Variants in NRXN1 observed in about 807,000 individuals in gnomAD.
NRXN1 encodes the protein neurexin 1.
A neutral mutation model predicts 150.9 loss-of-function variants in NRXN1; 39 were observed. The ratio of observed to expected loss-of-function variants is 0.26; its 90% CI spans 0.20 to 0.34. NRXN1 has a LOEUF of 0.34. Ranked by LOEUF, NRXN1 falls within the 10% of genes least tolerant of loss-of-function variation. The pLI is 1.00. For synonymous variants in NRXN1, 924 were observed against 757.0 expected (o/e 1.22, Z -3.62); for missense variants, 1,815 against 1,949.9 (o/e 0.93, Z 1.30).
chr2:50,648,158 C>T (rs1202190785), intron 5 of NRXN1, among the ~76,000 whole-genome samples: 1 of 151,882 alleles, frequency 6.6e-6, no homozygotes, highest in Non-Finnish European at 1.5e-5. Flanking sequence ...AACTGTCAAA[C>T]CATATTGGGA....
intron 21 of NRXN1, among the ~76,000 whole-genome samples, chr2:49,950,135 A>C (rs1673666144): frequency 6.6e-6 from 1 of 151,944 alleles, no homozygotes; most frequent in South Asian, 2.1e-4. Context: ...AACTGCAGAA[A>C]ATAATCCACT....
At chr2:50,472,123 A>T (rs576604186) in intron 16 of NRXN1, among the ~76,000 whole-genome samples, 175 bp downstream of exon 16, 3 of 152,060 alleles carry the variant, frequency 2.0e-5, no homozygotes, top group African/African-American at 7.2e-5. Context: ...AGGCTTGCAA[A>T]CAGTACAGAA....
chr2:50,887,361 G>C (rs1168146062), intron 5 of NRXN1, among the ~76,000 whole-genome samples: 1 of 151,390 alleles, frequency 6.6e-6, no homozygotes, highest in African/African-American at 2.4e-5. Context: ...TACGTACTAG[G>C]CTATTTAATA....
At chr2:50,953,599 C>A (rs1289043247) in intron 2 of NRXN1, among the ~76,000 whole-genome samples, 1 of 151,374 alleles carries the variant, frequency 6.6e-6, no homozygotes, top group Non-Finnish European at 1.5e-5. Flanking sequence ...CTTTGTCACC[C>A]AGGCTGGAGT....
At chr2:50,057,788 C>A (rs969841446) in intron 19 of NRXN1, among the ~76,000 whole-genome samples, 1 of 152,120 alleles carries the variant, frequency 6.6e-6, no homozygotes, top group Admixed American at 6.6e-5. Context: ...AGAGAATAAA[C>A]CACTTGTAGC....
rs543651705 is a variant in NRXN1, at chr2:50,845,881, T to C, written c.832+75988A>G. Among the ~76,000 whole-genome samples, 20 of 152,334 alleles carry C rather than the reference T, an allele frequency of 1.3e-4. No individual in the cohort carries two copies. The East Asian group carries it at 2.9e-3, about 22-fold the overall frequency. On this transcript the variant is annotated intron_variant, in intron 5 of 22. Transcript: ENST00000401669. ...GAGGGAAAAAAAACCAGAAAATTTA[T>C]GTGAAAGCTCACTTTGACTGACAAA...
At chr2:50,563,364 G>T (rs1049801679) in intron 8 of NRXN1, among the ~76,000 whole-genome samples, 2 of 152,208 alleles carry the variant, frequency 1.3e-5, no homozygotes, top group Admixed American at 6.5e-5. Context: ...TTGGAGGATA[G>T]ATATACAACT....
intron 2 of NRXN1, among the ~76,000 whole-genome samples, chr2:50,958,611 T>G (rs1692641270): frequency 6.6e-6 from 1 of 152,118 alleles, no homozygotes; most frequent in Admixed American, 6.6e-5. Context: ...CTTAGCCTTT[T>G]CTGTATGCAA....
chr2:50,069,846 G>GTTTT (rs1467398706), intron 19 of NRXN1, among the ~76,000 whole-genome samples: 23 of 66,292 alleles, frequency 3.5e-4, no homozygotes, highest in Admixed American at 4.6e-4. Context: ...AGATTTTGGG[G>GTTTT]GTTTTTTTTT....
chr2:50,007,493 G>A (rs1684964533), intron 21 of NRXN1, among the ~76,000 whole-genome samples: 1 of 152,048 alleles, frequency 6.6e-6, no homozygotes, highest in Admixed American at 6.5e-5. Context: ...TTGGTTTTCG[G>A]TTCCTGTGTT....
chr2:50,829,828 T>A (rs1671137792), intron 5 of NRXN1: 2 of 1,346,980 alleles, frequency 1.5e-6, no homozygotes, highest in East Asian at 5.0e-5. Context: ...AATATATAAC[T>A]TCTCTTTCAC....
rs568249400 is a variant in NRXN1 at position 50,503,869 on chromosome 2, A to G, written c.2497+2626T>C. On this transcript the variant is annotated intron_variant, in intron 13 of 22. Transcript: ENST00000401669. ...GAGAAACTGGACAACATGTTGACCA[A>G]GTGGTCAAATTAAATCACCAAAGAC... 9.3e-4 allele frequency among the ~76,000 whole-genome samples: 141 copies of G among 152,266 alleles called. 2 individuals are homozygous for G. In the Middle Eastern group the frequency reaches 0.014, roughly 15 times the overall value.
intron 17 of NRXN1, among the ~76,000 whole-genome samples, chr2:50,423,890 G>A (rs766008738): frequency 3.3e-5 from 5 of 152,060 alleles, no homozygotes; most frequent in African/African-American, 7.2e-5. Flanking sequence ...CTGGGTAATC[G>A]CTGGTATCTG....
chr2:50,088,690 T>G (rs996958677), intron 19 of NRXN1, among the ~76,000 whole-genome samples: 4 of 152,208 alleles, frequency 2.6e-5, no homozygotes, highest in Non-Finnish European at 4.4e-5. Context: ...TCTGAACAAT[T>G]ATTTAATTGG....
At chr2:49,955,510 C>A (rs930403742) in intron 21 of NRXN1, among the ~76,000 whole-genome samples, 1 of 151,988 alleles carries the variant, frequency 6.6e-6, no homozygotes, top group African/African-American at 2.4e-5. Flanking sequence ...ATAAGTTGGT[C>A]TTCCTGCTTT....
intron 17 of NRXN1, among the ~76,000 whole-genome samples, chr2:50,419,306 C>A (rs948839681): frequency 2.6e-5 from 4 of 152,066 alleles, no homozygotes; most frequent in African/African-American, 4.8e-5. Flanking sequence ...GAGTTTTGGA[C>A]TGCAAGTATC....
At position 50,347,209 on chromosome 2, in the gene NRXN1, G is replaced by A; in HGVS notation, c.3365-110239C>T. The A allele has an allele frequency of 1.5e-6, 2 of 1,344,360 alleles. No individual in the cohort carries two copies. The highest frequency in any genetic ancestry group is 9.7e-7 in the Non-Finnish European group (1 of 1,025,888). The allele number at this position is 1,344,360 out of a possible 1,614,324, so 83.3% of individuals were successfully genotyped here. On this transcript the variant is annotated intron_variant, in intron 17 of 22. Coordinates refer to ENST00000401669, the MANE Select transcript of NRXN1 (RefSeq NM_001330078.2). This position sits in a 1 kb window ranked among gnomAD's most constrained non-coding sequence, Gnocchi z 4.9. ...GGCTTGTCCGGAAAGGCAGCCCCGG[G>A]AACAGCAAGCGCGGAGCGGGTGGCT...
rs139910419 is a variant in NRXN1 at position 49,935,484 on chromosome 2, C to T, written c.4216+8220G>A. Among the ~76,000 whole-genome samples, 848 of 152,030 alleles carry T rather than the reference C, an allele frequency of 5.6e-3. 7 individuals carry two copies. The highest frequency in any genetic ancestry group is 9.0e-3 in the Non-Finnish European group (612 of 67,982). On this transcript the variant is annotated intron_variant, in intron 22 of 22. Coordinates refer to ENST00000401669, the MANE Select transcript of NRXN1 (RefSeq NM_001330078.2). ...TATTCTGGTCTTTGCTATTATATTG[C>T]CAGTGTCAGGCTTCTTATAACATTT...
intron 17 of NRXN1, among the ~76,000 whole-genome samples, chr2:50,428,533 C>T (rs75183712): frequency 0.015 from 2,336 of 152,276 alleles, 26 homozygotes; most frequent in Non-Finnish European, 0.023. Flanking sequence ...TTGTTCTATT[C>T]TGTAAACTGT....
Sources: gnomAD v4.1 joint callset for allele counts (sites outside exome capture counted in the v4.1 genomes callset) on GRCh38, gnomAD v4.1.1 for gene constraint, Gnocchi (gnomAD v3.1) non-coding constraint, MANE v1.5 for transcripts, NCBI Gene and HGNC (gene_info 2026-07-23, HGNC 2026-07-21) for gene names.